MAF: variants seen among roughly 807,000 people sequenced by gnomAD.
MAF encodes MAF bZIP transcription factor, also known as transcription factor Maf.
MAF carries 10 observed loss-of-function variants against 22.0 expected under a neutral mutation model. The observed-to-expected ratio is 0.45, with a 90% CI of 0.28 to 0.77. The LOEUF is 0.77. Among genes scored for constraint, MAF ranks in the 30% least tolerant of loss-of-function variants. MAF has a pLI of 0.12. For synonymous variants in MAF, 337 were observed against 255.8 expected, an observed-to-expected ratio of 1.32 and a Z score of -3.03; for missense variants, 544 against 548.4, an observed-to-expected ratio of 0.99 and a Z score of 0.08.
At chr16:79,513,929 C>A in the MAF span, among the ~76,000 whole-genome samples, 1 of 152,178 alleles carries the variant, frequency 6.6e-6, no homozygotes, top group East Asian at 1.9e-4. Flanking sequence ...TTCAAAAGCA[C>A]GACAATAAAT....
chr16:79,243,029 T>A, the MAF span, among the ~76,000 whole-genome samples: 1 of 151,802 alleles, frequency 6.6e-6, no homozygotes, highest in Admixed American at 6.6e-5. Flanking sequence ...AGTACCAGAG[T>A]CTCTGGGACA....
chr16:79,213,199 G>A, the MAF span, among the ~76,000 whole-genome samples: 2 of 152,162 alleles, frequency 1.3e-5, no homozygotes, highest in Non-Finnish European at 2.9e-5. Flanking sequence ...GGAAGGTGTG[G>A]AGGCTGGGTG....
the MAF span, among the ~76,000 whole-genome samples, chr16:79,209,198 G>C: frequency 6.6e-6 from 1 of 152,220 alleles, no homozygotes; most frequent in Non-Finnish European, 1.5e-5. Flanking sequence ...AGGTTGGCAT[G>C]AAATGAAGCC....
At chr16:79,301,095 C>T in the MAF span, among the ~76,000 whole-genome samples, 4 of 152,064 alleles carry the variant, frequency 2.6e-5, no homozygotes, top group South Asian at 6.2e-4. Flanking sequence ...AACAAAGAGC[C>T]GTCCAGGTAG....
chr16:79,476,260 C>T, the MAF span, among the ~76,000 whole-genome samples: 3 of 152,140 alleles, frequency 2.0e-5, no homozygotes, highest in Admixed American at 1.3e-4. Context: ...GGCCAGGGAA[C>T]ACAGGTAAGT....
the MAF span, among the ~76,000 whole-genome samples, chr16:79,401,025 C>T: frequency 6.6e-6 from 1 of 152,190 alleles, no homozygotes; most frequent in Non-Finnish European, 1.5e-5. Context: ...GATAAGGAGT[C>T]TTGGCCTTGT....
chr16:79,383,334 A>G, the MAF span, among the ~76,000 whole-genome samples: 1 of 152,212 alleles, frequency 6.6e-6, no homozygotes, highest in Non-Finnish European at 1.5e-5. Context: ...GCATCATGAA[A>G]AGATTCACAG....
At chr16:79,479,702 G>C in the MAF span, among the ~76,000 whole-genome samples, 310 of 152,322 alleles carry the variant, frequency 2.0e-3, 3 homozygotes, top group African/African-American at 7.2e-3. Context: ...GCAGAATTTG[G>C]TATTTCCCAC....
chr16:79,406,012 G>A, the MAF span, among the ~76,000 whole-genome samples: 1 of 152,174 alleles, frequency 6.6e-6, no homozygotes, highest in East Asian at 1.9e-4. Flanking sequence ...AAGCCACAGA[G>A]TAGCCCTCAG....
At chr16:79,238,250 CT>C in the MAF span, among the ~76,000 whole-genome samples, 1 of 152,078 alleles carries the variant, frequency 6.6e-6, no homozygotes, top group Admixed American at 6.6e-5. Flanking sequence ...TGAATGCCAG[CT>C]TTTCCCAGGA....
At chr16:79,462,866 C>G in the MAF span, among the ~76,000 whole-genome samples, 1 of 151,988 alleles carries the variant, frequency 6.6e-6, no homozygotes, top group African/African-American at 2.4e-5. Context: ...TGTATTTTTA[C>G]GGGGGAAATA....
At chr16:79,534,619 G>A in the MAF span, among the ~76,000 whole-genome samples, 4 of 152,212 alleles carry the variant, frequency 2.6e-5, no homozygotes, top group African/African-American at 9.6e-5. Flanking sequence ...GATAGCGTTA[G>A]GAGAAATACC....
the MAF span, among the ~76,000 whole-genome samples, chr16:79,244,329 C>T: frequency 7.2e-5 from 11 of 152,002 alleles, no homozygotes; most frequent in Admixed American, 5.9e-4. Context: ...ATCATCTCAG[C>T]CCAAAATCTC....
chr16:79,309,340 T>G, the MAF span, among the ~76,000 whole-genome samples: 1 of 152,214 alleles, frequency 6.6e-6, no homozygotes, highest in East Asian at 1.9e-4. Context: ...CGCTTAAGGT[T>G]ACCATTTTGT....
At chr16:79,443,889 T>C in the MAF span, among the ~76,000 whole-genome samples, 1 of 152,066 alleles carries the variant, frequency 6.6e-6, no homozygotes, top group Non-Finnish European at 1.5e-5. Context: ...GTCCCGCAAA[T>C]GGTAAAGCCA....
chr16:79,593,014 C>T (rs1360647304), downstream of MAF, among the ~76,000 whole-genome samples: 4 of 152,098 alleles, frequency 2.6e-5, no homozygotes, highest in African/African-American at 9.7e-5. Context: ...TGAAGGTTGT[C>T]ACTCATGTAC....
chr16:79,432,308 A>G, the MAF span, among the ~76,000 whole-genome samples: 2 of 152,174 alleles, frequency 1.3e-5, no homozygotes, highest in Non-Finnish European at 2.9e-5. Context: ...TGGGTCAATG[A>G]GACCTCTTTA....
the MAF span, among the ~76,000 whole-genome samples, chr16:79,289,452 C>T: frequency 6.6e-6 from 1 of 152,086 alleles, no homozygotes; most frequent in Non-Finnish European, 1.5e-5. Flanking sequence ...GGCTACCCAC[C>T]GTGAGAGAAG....
At chr16:79,576,423 T>C in the MAF span, among the ~76,000 whole-genome samples, 5 of 152,094 alleles carry the variant, frequency 3.3e-5, no homozygotes, top group Non-Finnish European at 7.4e-5. Flanking sequence ...CATGTTAGTA[T>C]ACAAAGCCTC....
Sources: allele counts gnomAD v4.1 joint callset (sites outside exome capture counted in the v4.1 genomes callset), GRCh38; gene constraint gnomAD v4.1.1; transcripts MANE v1.5; gene names NCBI Gene and HGNC (gene_info 2026-07-23, HGNC 2026-07-21).